The following SMG1 variants were observed in gnomAD, a reference collection of about 807,000 sequenced individuals.
SMG1 encodes the protein serine/threonine-protein kinase SMG1.
Under a neutral mutation model 419.9 loss-of-function variants are expected in SMG1, and 22 were observed. The observed-to-expected ratio is 0.05, with a 90% confidence interval of 0.04 to 0.07. The LOEUF is 0.07. Among genes scored for constraint, SMG1 ranks in the 10% least tolerant of loss-of-function variants. The pLI, the probability that SMG1 is intolerant of heterozygous loss-of-function variation, is 1.00. For synonymous variants in SMG1, 1,538 were observed against 1,553.5 expected (o/e 0.99, Z 0.23); for missense variants, 3,185 against 4,342.0 (o/e 0.73, Z 7.49).
intron 1 of SMG1, among the ~76,000 whole-genome samples, chr16:18,922,323 T>A (rs1340166347): frequency 1.3e-5 from 2 of 152,200 alleles, no homozygotes; most frequent in Non-Finnish European, 2.9e-5. Flanking sequence ...ATAGGTCAGA[T>A]ATCCCTTTGT....
chr16:18,809,671 G>T, intron 62 of SMG1, 25 bp from the exon 63 acceptor site: 2 of 1,540,220 alleles, frequency 1.3e-6, no homozygotes, highest in Non-Finnish European at 1.8e-6. Context: ...AGGATAGTAT[G>T]TAAAGTCATT....
intron 13 of SMG1, among the ~76,000 whole-genome samples, chr16:18,873,271 T>C (rs1221881811): frequency 1.3e-4 from 20 of 152,142 alleles, no homozygotes; most frequent in Non-Finnish European, 2.6e-4. Flanking sequence ...CAGGCTGGAG[T>C]GCAATGGTGC....
At chr16:18,827,700 A>G (rs1311509669) in intron 55 of SMG1, among the ~76,000 whole-genome samples, 1 of 143,806 alleles carries the variant, frequency 7.0e-6, no homozygotes, top group African/African-American at 2.6e-5. Context: ...ATCTAAATAT[A>G]TATTTTATAT....
intron 1 of SMG1, among the ~76,000 whole-genome samples, chr16:18,924,674 C>A (rs551249187): frequency 2.0e-5 from 3 of 151,364 alleles, no homozygotes; most frequent in Non-Finnish European, 2.9e-5. Context: ...TTTTTTTTTA[C>A]GACTAAACAT....
chr16:18,835,325 CTTG>C (rs1220681379), intron 48 of SMG1, among the ~76,000 whole-genome samples, 161 bp from the exon 49 acceptor site: 1 of 152,144 alleles, frequency 6.6e-6, no homozygotes, highest in Non-Finnish European at 1.5e-5. Context: ...CCTAAAAGGA[CTTG>C]TTGATGACTG....
chr16:18,920,349 T>G (rs561531783), intron 1 of SMG1, among the ~76,000 whole-genome samples: 31 of 139,644 alleles, frequency 2.2e-4, no homozygotes, highest in African/African-American at 7.4e-4. Flanking sequence ...ACCATTGCAC[T>G]CCAGCCTGGA....
At chr16:18,913,060 T>C (rs2037849863) in intron 1 of SMG1, among the ~76,000 whole-genome samples, 1 of 152,286 alleles carries the variant, frequency 6.6e-6, no homozygotes, top group Middle Eastern at 3.4e-3. Context: ...ACTCATCTAA[T>C]GAGAAAAGGG....
At position 18,864,132 on chromosome 16, in the gene SMG1, G is replaced by A; in HGVS notation, c.3363C>T (p.Ala1121=). 3.3e-6 allele frequency: 5 copies of A among 1,530,524 alleles called. No individual in the cohort carries two copies. The South Asian group carries it at 5.0e-5, about 15-fold the overall frequency. 94.8% of individuals were successfully genotyped at this position (1,530,524 alleles called of 1,614,324 possible). ...ACAGGTGTTCCTGGTACTCCACAGA[G>A]GCCTTTTCAAACCTGAAAAGCAAAT... The part of the protein sequence containing the change: ...AQQAEGRFEK[A]SVEYQEHLCA... Residue 1121 remains alanine (A), a synonymous_variant, in exon 24 of 63, where the codon GCC becomes GCT. Transcript: ENST00000446231.
chr16:18,859,593 G>C lies in SMG1; in HGVS notation c.3916C>G (p.Pro1306Ala). The change falls in exon 27 of 63, where the codon CCG (proline) becomes GCG (alanine). Residue 1306 changes from proline to alanine, a missense_variant. Around this residue, in one of 27 missense-constraint regions of SMG1, gnomAD observed 120 missense variants for 193.3 expected, o/e 0.62. Coordinates refer to ENST00000446231, the MANE Select transcript of SMG1 (RefSeq NM_015092.5). ...TGCCACTTCTGATCTTGTTCTATCG[G>C]GTTTAAAGCAGTTGCCAAACAAACA... ...SSVCLATALNPIEQDQKWQSI... is the reference protein window; with the variant it reads ...SSVCLATALNAIEQDQKWQSI... The C allele has an allele frequency of 3.8e-6, 6 of 1,595,966 alleles. No individual in the cohort carries two copies. The highest frequency in any genetic ancestry group is 5.1e-6 in the Non-Finnish European group (6 of 1,165,182).
At chr16:18,831,473 ATGAAGTC>A (rs926337876) in intron 51 of SMG1, among the ~76,000 whole-genome samples, 41 of 152,332 alleles carry the variant, frequency 2.7e-4, no homozygotes, top group African/African-American at 9.6e-4. Flanking sequence ...GAGAGATAAA[ATGAAGTC>A]TGAAATTCAG....
chr16:18,807,473 T>C lies in SMG1; in HGVS notation c.*2096A>G, dbSNP rs951016669. The C allele has an allele frequency of 6.6e-6, 1 of 152,190 alleles. No individual in the cohort carries two copies. Among genetic ancestry groups the C allele is most frequent in the Non-Finnish European group, 1.5e-5 (1 of 68,016 alleles). 9.4% of individuals were successfully genotyped at this position (152,190 alleles called of 1,614,324 possible). ...ATGAAGAAAACAAAATTTGATGCGC[T>C]AGGTTCCTTAACTTGCTATTGGACA... On this transcript the variant is annotated 3_prime_UTR_variant, in exon 63 of 63. Transcript: ENST00000446231.
rs375998689 is a variant in SMG1 at position 18,866,676 on chromosome 16, T to A, written c.3295A>T (p.Ile1099Phe). 8 of 1,594,786 alleles carry A rather than the reference T, an allele frequency of 5.0e-6. No homozygotes were observed. In the African/African-American group the frequency reaches 1.1e-4, roughly 21 times the overall value. The stretch of plus-strand genomic sequence containing the variant: ...ATCCACAGAAGATTTTTTCCAACAA[T>A]AGATGATGACCAGACAGCAATTCCC... ...IQGIAVWSSS[I>F]VGKNLLWINS... is the part of the protein sequence containing the mutation. Residue 1099 changes from isoleucine (I) to phenylalanine (F), a missense_variant, in exon 23 of 63, where the codon ATT becomes TTT. Physicochemically the swap from Ile to Phe is conservative, Grantham distance 21 (BLOSUM62 0). Around this residue, in one of 27 missense-constraint regions of SMG1, gnomAD observed 121 missense variants for 125.4 expected, o/e 0.96. Coordinates refer to ENST00000446231, the MANE Select transcript of SMG1 (RefSeq NM_015092.5).
chr16:18,888,553 G>A (rs1232623671), intron 6 of SMG1, among the ~76,000 whole-genome samples: 3 of 148,476 alleles, frequency 2.0e-5, no homozygotes, highest in East Asian at 2.0e-4. Context: ...CTGCAACCTC[G>A]GCCTCCCAGG....
intron 1 of SMG1, among the ~76,000 whole-genome samples, chr16:18,924,148 C>G (rs1357793846): frequency 6.6e-6 from 1 of 152,184 alleles, no homozygotes; most frequent in Non-Finnish European, 1.5e-5. Context: ...TGTAAGCTTT[C>G]TTGTAAGCTC....
intron 54 of SMG1, 44 bp from the exon 55 acceptor site, chr16:18,828,212 G>C: frequency 6.3e-7 from 1 of 1,590,428 alleles, no homozygotes; most frequent in Non-Finnish European, 8.6e-7. Flanking sequence ...CAGGAAAAAA[G>C]CGTTTAGATA....
At chr16:18,892,172 T>G in intron 4 of SMG1, 46 bp downstream of exon 4, 1 of 1,302,116 alleles carries the variant, frequency 7.7e-7, no homozygotes, top group Non-Finnish European at 1.1e-6. Context: ...CCTAGTTTAT[T>G]ATGGAAACAC....
intron 3 of SMG1, among the ~76,000 whole-genome samples, 176 bp from the exon 4 acceptor site, chr16:18,892,530 C>A (rs1172780124): frequency 7.2e-5 from 11 of 152,114 alleles, no homozygotes; most frequent in Admixed American, 7.2e-4. Flanking sequence ...TTGAGACCAG[C>A]CTGGGCAACA....
At chr16:18,917,492 C>T (rs895088619) in intron 1 of SMG1, among the ~76,000 whole-genome samples, 1 of 151,882 alleles carries the variant, frequency 6.6e-6, no homozygotes, top group African/African-American at 2.4e-5. Flanking sequence ...TACTCAGGTC[C>T]TTAGCAGCCC....
In SMG1 at chr16:18,884,087, T is replaced by C; in HGVS notation, c.1102A>G (p.Met368Val). 2 of 1,592,210 alleles carry C rather than the reference T, an allele frequency of 1.3e-6. No homozygotes were observed. The highest frequency in any genetic ancestry group is 1.7e-6 in the Non-Finnish European group (2 of 1,164,962). Residue 368 changes from methionine to valine, a missense_variant, in exon 9 of 63, where the codon ATG (methionine) becomes GTG (valine). Around this residue, in one of 27 missense-constraint regions of SMG1, gnomAD observed 2 missense variants for 20.3 expected, o/e 0.10. Coordinates refer to ENST00000446231, the MANE Select transcript of SMG1 (RefSeq NM_015092.5). ...ATACTCACCTCAGCATATGCTTCCA[T>C]GTCTTCCAGAAACTGACCAAGAAGA... ...TTLLGQFLED[M>V]EAYAEDLSHV...
Sources: gnomAD v4.1 joint callset for allele counts (sites outside exome capture counted in the v4.1 genomes callset) on GRCh38, gnomAD v4.1.1 for gene constraint, gnomAD v4.1.1 regional missense constraint, MANE v1.5 for transcripts, NCBI Gene and HGNC (gene_info 2026-07-23, HGNC 2026-07-21) for gene names.